Variants in ADAMTSL1 observed in about 807,000 individuals in gnomAD.
ADAMTSL1 encodes the protein ADAMTS-like protein 1.
In ADAMTSL1, 126 loss-of-function variants were observed where a neutral mutation model predicts 201.8. That is an observed-to-expected ratio of 0.62 (90% CI 0.54 to 0.72). ADAMTSL1 has a LOEUF of 0.72. Among genes scored for constraint, ADAMTSL1 ranks in the 30% least tolerant of loss-of-function variants. ADAMTSL1 has a pLI of 0.00. For synonymous variants in ADAMTSL1, 1,121 were observed against 903.4 expected, an observed-to-expected ratio of 1.24 and a Z score of -4.32; for missense variants, 2,679 against 2,277.8, an observed-to-expected ratio of 1.18 and a Z score of -3.59.
intron 2 of ADAMTSL1, among the ~76,000 whole-genome samples, chr9:18,192,254 G>C (rs1332848238): frequency 1.3e-5 from 2 of 152,062 alleles, no homozygotes; most frequent in Non-Finnish European, 2.9e-5. Context: ...CTAAGACTTT[G>C]TTTGATATTG....
In ADAMTSL1 at chr9:18,474,226, T is replaced by C; in HGVS notation, c.-7T>C. The C allele has an allele frequency of 6.2e-7, 1 of 1,614,082 alleles. No individual in the cohort carries two copies. The highest frequency in any genetic ancestry group is 8.5e-7 in the Non-Finnish European group (1 of 1,179,952). On this transcript the variant is annotated 5_prime_UTR_variant, in exon 1 of 29. Transcript: ENST00000380548. ...TGTCCGATTCTGATTCCGGCAAGGA[T>C]CCAAGCATGGAATGCTGCCGTCGGG...
At chr9:18,016,632 A>C (rs1410969298) in intron 1 of ADAMTSL1, among the ~76,000 whole-genome samples, 1 of 152,064 alleles carries the variant, frequency 6.6e-6, no homozygotes, top group African/African-American at 2.4e-5. Flanking sequence ...ACAAATTATG[A>C]GATAAAACTA....
At chr9:18,523,364 G>T (rs1312066158) in intron 2 of ADAMTSL1, among the ~76,000 whole-genome samples, 1 of 152,086 alleles carries the variant, frequency 6.6e-6, no homozygotes, top group Non-Finnish European at 1.5e-5. Context: ...TGAGTAGGTT[G>T]CAAAAATTTT....
At chr9:17,927,986 T>A (rs1178701333) in intron 1 of ADAMTSL1, among the ~76,000 whole-genome samples, 2 of 147,190 alleles carry the variant, frequency 1.4e-5, no homozygotes, top group East Asian at 3.9e-4. Context: ...TCTTTTCTTT[T>A]CTTTCTTTCT....
intron 2 of ADAMTSL1, among the ~76,000 whole-genome samples, chr9:18,269,679 C>A (rs1456354346): frequency 1.3e-5 from 2 of 151,972 alleles, no homozygotes; most frequent in Non-Finnish European, 2.9e-5. Flanking sequence ...TGTGGTGAAC[C>A]ATAAAAGGCC....
At chr9:17,992,241 G>A (rs1212537524) in intron 1 of ADAMTSL1, among the ~76,000 whole-genome samples, 1 of 152,066 alleles carries the variant, frequency 6.6e-6, no homozygotes, top group Non-Finnish European at 1.5e-5. Context: ...TCAAGCTAGG[G>A]TAGACACCTC....
At chr9:18,384,578 A>G (rs1414263133) in intron 2 of ADAMTSL1, among the ~76,000 whole-genome samples, 2 of 152,152 alleles carry the variant, frequency 1.3e-5, no homozygotes, top group African/African-American at 2.4e-5. Context: ...CCTCATAGGC[A>G]TCAGGAATGG....
chr9:18,566,381 A>G lies in ADAMTSL1; in HGVS notation c.238-7649A>G, dbSNP rs147344045. Among the ~76,000 whole-genome samples the G allele has an allele frequency of 3.8e-4, 58 of 152,332 alleles. 1 individual carries two copies. The East Asian group carries it at 0.011, about 28-fold the overall frequency. On this transcript the variant is annotated intron_variant, in intron 3 of 28. Coordinates refer to ENST00000380548, the MANE Select transcript of ADAMTSL1 (RefSeq NM_001040272.6). ...TCTGGAGGTTCTGCTGTAGTAGACGAAGACAGACAATAAAATGTTAAGCAC... is the reference window on the plus strand; with the variant it reads ...TCTGGAGGTTCTGCTGTAGTAGACGGAGACAGACAATAAAATGTTAAGCAC...
intron 2 of ADAMTSL1, among the ~76,000 whole-genome samples, chr9:18,399,534 G>T (rs1374668868): frequency 6.6e-6 from 1 of 150,400 alleles, no homozygotes; most frequent in East Asian, 2.0e-4. Flanking sequence ...GTAGAGACAG[G>T]GTTTCACCCT....
intron 2 of ADAMTSL1, among the ~76,000 whole-genome samples, chr9:18,415,702 CA>C (rs1818643870): frequency 6.6e-6 from 1 of 151,758 alleles, no homozygotes; most frequent in South Asian, 2.1e-4. Context: ...AGAATCTCAA[CA>C]AACTCTAAGG....
intron 2 of ADAMTSL1, among the ~76,000 whole-genome samples, chr9:18,213,395 T>C (rs951428570): frequency 7.2e-5 from 11 of 152,300 alleles, no homozygotes; most frequent in African/African-American, 2.2e-4. Flanking sequence ...TGTTCCTGGG[T>C]GAGAAGACAG....
rs556618582 is a variant in ADAMTSL1, at chr9:18,770,527, A to T, written c.2218-75A>T. The stretch of plus-strand genomic sequence containing the variant: ...TTTTCTTCCTTTACTCTGCCAAATT[A>T]AGATAAGAATTAGCAGTCAGACTGC... On this transcript the variant is annotated intron_variant, in intron 16 of 28. Transcript: ENST00000380548. 12 of 1,401,384 alleles carry T rather than the reference A, an allele frequency of 8.6e-6. No homozygotes were observed. The African/African-American group carries it at 8.7e-5, about 10-fold the overall frequency. 86.8% of individuals were successfully genotyped at this position (1,401,384 alleles called of 1,614,324 possible).
chr9:18,790,304 C>T (rs1037847070), intron 19 of ADAMTSL1, among the ~76,000 whole-genome samples: 1 of 152,066 alleles, frequency 6.6e-6, no homozygotes, highest in Non-Finnish European at 1.5e-5. Context: ...GACTGGAGTC[C>T]GAGTCTCTTG....
At chr9:18,711,597 C>T (rs189705303) in intron 14 of ADAMTSL1, among the ~76,000 whole-genome samples, 62 of 152,282 alleles carry the variant, frequency 4.1e-4, no homozygotes, top group East Asian at 1.7e-3. Context: ...GAGGGTCCTA[C>T]GCCCACGGAG....
At chr9:18,378,824 T>C (rs1032474504) in intron 2 of ADAMTSL1, among the ~76,000 whole-genome samples, 4 of 152,118 alleles carry the variant, frequency 2.6e-5, no homozygotes, top group Non-Finnish European at 5.9e-5. Context: ...TTGTTGTTTG[T>C]TTGTTTGTTT....
chr9:18,268,981 C>G (rs1452798860), intron 2 of ADAMTSL1, among the ~76,000 whole-genome samples: 1 of 152,014 alleles, frequency 6.6e-6, no homozygotes, highest in Non-Finnish European at 1.5e-5. Flanking sequence ...AGCAAAATAT[C>G]CACCTACAAA....
chr9:17,943,244 C>T (rs1419530347), intron 1 of ADAMTSL1, among the ~76,000 whole-genome samples: 1 of 152,048 alleles, frequency 6.6e-6, no homozygotes, highest in African/African-American at 2.4e-5. Flanking sequence ...ACCCAGCCTG[C>T]AATGTACTTA....
chr9:18,209,398 C>T (rs891754703), intron 2 of ADAMTSL1, among the ~76,000 whole-genome samples: 1 of 152,038 alleles, frequency 6.6e-6, no homozygotes, highest in Non-Finnish European at 1.5e-5. Flanking sequence ...TTTTTGTTAT[C>T]GAATCAGTAC....
rs188163734 is a variant in ADAMTSL1 at position 18,593,342 on chromosome 9, T to C, written c.474+19076T>C. Among the ~76,000 whole-genome samples the C allele has an allele frequency of 7.6e-4, 115 of 152,250 alleles. 1 individual carries two copies. The highest frequency in any genetic ancestry group is 5.1e-3 in the Admixed American group (78 of 15,286). The stretch of plus-strand genomic sequence containing the variant: ...TTTTCCCCATTCAATTTTATTTGTC[T>C]TCTCTAAGAAACTATTTTTGTTTCC... On this transcript the variant is annotated intron_variant, in intron 4 of 28. Coordinates refer to ENST00000380548, the MANE Select transcript of ADAMTSL1 (RefSeq NM_001040272.6).
Sources: gnomAD v4.1 joint callset for allele counts (sites outside exome capture counted in the v4.1 genomes callset) on GRCh38, gnomAD v4.1.1 for gene constraint, MANE v1.5 for transcripts, NCBI Gene and HGNC (gene_info 2026-07-23, HGNC 2026-07-21) for gene names.